PAIP1: variants seen among roughly 807,000 people sequenced by gnomAD.
PAIP1 encodes polyadenylate-binding protein-interacting protein 1.
Under a neutral mutation model 61.3 loss-of-function variants are expected in PAIP1, and 16 were observed. The ratio of observed to expected loss-of-function variants is 0.26; its 90% CI spans 0.18 to 0.40. The LOEUF is 0.40. Among genes scored for constraint, PAIP1 ranks in the 10% least tolerant of loss-of-function variants. The probability of loss-of-function intolerance (pLI) is 1.00; values close to 1 mark genes in which losing one functional copy is unlikely to be tolerated. For missense variants in PAIP1, 416 were observed against 600.9 expected (o/e 0.69, Z 3.22); for synonymous variants, 187 against 226.2 (o/e 0.83, Z 1.56).
intron 3 of PAIP1, 56 bp from the exon 4 acceptor site, chr5:43,543,172 T>C: frequency 1.2e-6 from 1 of 846,744 alleles, no homozygotes; most frequent in African/African-American, 1.7e-5. Context: ...TTAATGTAAA[T>C]ACTTAACAGC....
At chr5:43,545,896 A>G (rs1747617528) in intron 3 of PAIP1, among the ~76,000 whole-genome samples, 1 of 151,452 alleles carries the variant, frequency 6.6e-6, no homozygotes, top group Admixed American at 6.6e-5. Flanking sequence ...CAGCCTCCCG[A>G]GTAGCTGGGA....
Position 43,540,212 on chromosome 5 carries a change from TTTG to T in PAIP1, c.735-1180_735-1178del, listed in dbSNP as rs1482173949. Among the ~76,000 whole-genome samples, 3 of 151,878 alleles carry T rather than the reference TTTG, an allele frequency of 2.0e-5. No homozygotes were observed. In the East Asian group the frequency reaches 5.8e-4, roughly 30 times the overall value. ...TGTTTAAGTCAAATGTGGTAAGATA[TTTG>T]TTATCATCTTGTACATATTAAATTC... On this transcript the variant is annotated intron_variant, in intron 4 of 10. Coordinates refer to ENST00000306846, the MANE Select transcript of PAIP1 (RefSeq NM_006451.5).
At chr5:43,542,051 C>A (rs1270534624) in intron 4 of PAIP1, among the ~76,000 whole-genome samples, 13 of 151,222 alleles carry the variant, frequency 8.6e-5, no homozygotes, top group South Asian at 2.1e-4. Flanking sequence ...TGGTACGCAC[C>A]CATCATCCCA....
intron 4 of PAIP1, among the ~76,000 whole-genome samples, chr5:43,541,766 T>C (rs776629811): frequency 5.7e-5 from 8 of 139,306 alleles, no homozygotes; most frequent in Non-Finnish European, 1.3e-4. Context: ...AAAACTAGTT[T>C]TCTCTAAATT....
chr5:43,539,602 T>C lies in PAIP1; in HGVS notation c.735-567A>G, dbSNP rs1266650242. On this transcript the variant is annotated intron_variant, in intron 4 of 10. Transcript: ENST00000306846. ...AAAAATTCCCCCATTAAAACCACAA[T>C]ATAGAAAGCACCGGACTTGTTTTCT... Among the ~76,000 whole-genome samples the C allele has an allele frequency of 3.3e-5, 5 of 152,212 alleles. No individual in the cohort carries two copies. In the East Asian group the frequency reaches 7.7e-4, roughly 23 times the overall value.
At chr5:43,538,368 C>T (rs1433431645) in intron 5 of PAIP1, among the ~76,000 whole-genome samples, 1 of 151,930 alleles carries the variant, frequency 6.6e-6, no homozygotes, top group African/African-American at 2.4e-5. Context: ...AAAAGTATGT[C>T]AAGTAATGCA....
chr5:43,549,751 G>A (rs1255600720), intron 2 of PAIP1, among the ~76,000 whole-genome samples: 3 of 151,566 alleles, frequency 2.0e-5, no homozygotes, highest in Non-Finnish European at 2.9e-5. Flanking sequence ...ATGGAGTCTC[G>A]CTCTGTCACC....
intron 9 of PAIP1, among the ~76,000 whole-genome samples, chr5:43,530,954 A>G (rs1398065567): frequency 2.0e-5 from 3 of 152,160 alleles, no homozygotes; most frequent in African/African-American, 7.2e-5. Context: ...TCCATGCCCA[A>G]CCTCACCTGC....
In PAIP1 at chr5:43,547,660, G is replaced by A; in HGVS notation, c.621+68C>T. 8 of 951,188 alleles carry A rather than the reference G, an allele frequency of 8.4e-6. 1 individual carries two copies. The South Asian group carries it at 1.3e-4, about 15-fold the overall frequency. 58.9% of individuals were successfully genotyped at this position (951,188 alleles called of 1,614,324 possible). On this transcript the variant is annotated intron_variant, in intron 3 of 10. Transcript: ENST00000306846. ...GATCATGAATCTGGTCTCCCTCAAG[G>A]AGTAGCCACTATCCTTGGGCTTCAA...
intron 9 of PAIP1, among the ~76,000 whole-genome samples, 186 bp from the exon 10 acceptor site, chr5:43,530,065 A>G (rs905867543): frequency 5.3e-5 from 8 of 152,356 alleles, no homozygotes; most frequent in African/African-American, 1.4e-4. Flanking sequence ...ATGTACATTC[A>G]TAGCCAATGT....
intron 1 of PAIP1, chr5:43,556,225 C>A (rs961664546): frequency 3.6e-5 from 46 of 1,294,042 alleles, no homozygotes; most frequent in Non-Finnish European, 4.3e-5. Context: ...TGAGTGCTTG[C>A]GAGCTTTTTT....
At chr5:43,535,987 A>G (rs1004650597) in intron 6 of PAIP1, among the ~76,000 whole-genome samples, 1 of 152,000 alleles carries the variant, frequency 6.6e-6, no homozygotes, top group Non-Finnish European at 1.5e-5. Flanking sequence ...GCTTTGAATA[A>G]AAAAAAAAAA....
intron 1 of PAIP1, 184 bp downstream of exon 1, chr5:43,556,398 C>G: frequency 4.9e-6 from 6 of 1,229,930 alleles, no homozygotes; most frequent in Non-Finnish European, 6.1e-6. Flanking sequence ...ACAAAGGATT[C>G]CAGCAGACAC....
chr5:43,528,428 A>G (rs1160118371), intron 10 of PAIP1, among the ~76,000 whole-genome samples: 2 of 152,110 alleles, frequency 1.3e-5, no homozygotes, highest in Admixed American at 6.5e-5. Context: ...TTTCCAATAC[A>G]GGGCCATGTG....
Position 43,533,758 on chromosome 5 carries a change from G to A in PAIP1, c.1232C>T (p.Pro411Leu), listed in dbSNP as rs766481788. 6.3e-7 allele frequency: 1 copy of A among 1,590,164 alleles called. No individual in the cohort carries two copies. The highest frequency in any genetic ancestry group is 8.6e-7 in the Non-Finnish European group (1 of 1,158,216). ...CATACCTGGATCAGCTGCAGTGAAAGGAACACCATCAGATGTATAAAATGT... is the reference window on the plus strand; with the variant it reads ...CATACCTGGATCAGCTGCAGTGAAAAGAACACCATCAGATGTATAAAATGT... ...EPTFYTSDGV[P>L]FTAADPDYQE... Residue 411 changes from proline to leucine, a missense_variant, in exon 9 of 11, where the codon CCT becomes CTT. Pro to Leu is a moderately conservative substitution (Grantham distance 98). Around this residue, in one of 4 missense-constraint regions of PAIP1, gnomAD observed 135 missense variants for 283.9 expected, o/e 0.48. Transcript: ENST00000306846.
At position 43,526,794 on chromosome 5, in the gene PAIP1, T is replaced by G. The variant is rs1746727395; in HGVS notation, c.*582A>C. 6.6e-6 allele frequency: 1 copy of G among 152,124 alleles called. No homozygotes were observed. The highest frequency in any genetic ancestry group is 2.1e-4 in the South Asian group (1 of 4,832). The allele number at this position is 152,124 out of a possible 1,614,324, so 9.4% of individuals were successfully genotyped here. A position where few individuals can be genotyped will look rare whatever the true frequency, so the allele number is the denominator to read the frequency against. ...AAGTCTTGGTTGTTTAGCTGGGAGT[T>G]CACCAAGTTGGGTTTTTCCCCCCCA... On this transcript the variant is annotated 3_prime_UTR_variant, in exon 11 of 11. Transcript: ENST00000306846.
intron 9 of PAIP1, 138 bp from the exon 10 acceptor site, chr5:43,530,017 CTATAGA>C (rs1433621691): frequency 6.6e-6 from 4 of 601,996 alleles, no homozygotes; most frequent in African/African-American, 5.6e-5. Flanking sequence ...ACATATAGTA[CTATAGA>C]TATAAGTTGG....
chr5:43,535,635 T>G lies in PAIP1; in HGVS notation c.978A>C (p.Thr326=), dbSNP rs774738486. ...LICAVKLLKL[T]GSVLEDAWKE... ...TCCAAGCATCTTCCAAAACTGATCCTGTCAACTAAAAAAGCAGGTGTCAGT... is the reference window on the plus strand; with the variant it reads ...TCCAAGCATCTTCCAAAACTGATCCGGTCAACTAAAAAAGCAGGTGTCAGT... Residue 326 remains threonine (T), a synonymous_variant, in exon 7 of 11, where the codon ACA becomes ACC. Coordinates refer to ENST00000306846, the MANE Select transcript of PAIP1 (RefSeq NM_006451.5). 7 of 1,568,520 alleles carry G rather than the reference T, an allele frequency of 4.5e-6. No homozygotes were observed. In the African/African-American group the frequency reaches 9.5e-5, roughly 21 times the overall value.
At chr5:43,555,292 TATC>T (rs1321564990) in intron 2 of PAIP1, among the ~76,000 whole-genome samples, 1 of 152,220 alleles carries the variant, frequency 6.6e-6, no homozygotes, top group Non-Finnish European at 1.5e-5. Flanking sequence ...TAAGCTAAAG[TATC>T]ATCAATCATT....
Sources: allele counts gnomAD v4.1 joint callset (sites outside exome capture counted in the v4.1 genomes callset), GRCh38; gene constraint gnomAD v4.1.1; regional missense constraint gnomAD v4.1.1; transcripts MANE v1.5; gene names NCBI Gene and HGNC (gene_info 2026-07-23, HGNC 2026-07-21).